ZNF492: variants seen among roughly 807,000 people sequenced by gnomAD.
The protein encoded by ZNF492 is zinc finger protein 115 (Y20).
ZNF492 carries 3 observed loss-of-function variants against 6.4 expected under a neutral mutation model. The ratio of observed to expected loss-of-function variants is 0.47; its 90% CI spans 0.21 to 1.22. ZNF492 has a LOEUF of 1.22. ZNF492 is among the 50% of genes most tolerant of loss of function. The probability of loss-of-function intolerance (pLI) is 0.22; values close to 1 mark genes in which losing one functional copy is unlikely to be tolerated. For missense variants in ZNF492, 356 were observed against 612.5 expected, an observed-to-expected ratio of 0.58 and a Z score of 4.42; for synonymous variants, 112 against 205.3, an observed-to-expected ratio of 0.55 and a Z score of 3.89.
intron 1 of ZNF492, among the ~76,000 whole-genome samples, chr19:22,650,704 T>A (rs552317800): frequency 6.6e-6 from 1 of 152,232 alleles, no homozygotes; most frequent in Admixed American, 6.5e-5. Flanking sequence ...AGCTGCAGTC[T>A]GGCACAGCCA....
chr19:22,657,143 A>G (rs985349580), intron 3 of ZNF492, among the ~76,000 whole-genome samples: 27 of 152,190 alleles, frequency 1.8e-4, no homozygotes, highest in South Asian at 4.1e-4. Flanking sequence ...ACTAAAATTT[A>G]CATGTTATGT....
intron 1 of ZNF492, among the ~76,000 whole-genome samples, chr19:22,638,952 C>T (rs1301670296): frequency 6.6e-6 from 1 of 151,992 alleles, no homozygotes; most frequent in African/African-American, 2.4e-5. Flanking sequence ...AAGCAATTCT[C>T]TCCCTCAGCC....
chr19:22,647,727 G>GGTTTTTTTTTTTTTTTTTTT (rs1971896869), intron 1 of ZNF492, among the ~76,000 whole-genome samples: 1 of 92,576 alleles, frequency 1.1e-5, no homozygotes, highest in African/African-American at 4.8e-5. Flanking sequence ...AGCTCTTTTA[G>GGTTTTTTTTTTTTTTTTTTT]TTTTTTTTTT....
intron 1 of ZNF492, among the ~76,000 whole-genome samples, chr19:22,637,423 G>T (rs1971780376): frequency 6.6e-6 from 1 of 152,038 alleles, no homozygotes; most frequent in Non-Finnish European, 1.5e-5. Context: ...CCCCCAAGTA[G>T]CTGGGACTAC....
chr19:22,635,499 T>C (rs1971751829), intron 1 of ZNF492, among the ~76,000 whole-genome samples: 2 of 152,240 alleles, frequency 1.3e-5, no homozygotes, highest in South Asian at 4.1e-4. Context: ...TTTAAAAAGA[T>C]ATGTTTTCTG....
chr19:22,664,046 C>A lies in ZNF492; in HGVS notation c.377C>A (p.Ser126Ter), dbSNP rs761638076. The A allele has an allele frequency of 4.4e-6, 7 of 1,603,680 alleles. No individual in the cohort carries two copies. Among genetic ancestry groups the A allele is most frequent in the Non-Finnish European group, 5.1e-6 (6 of 1,174,934 alleles). ...TATGTGAAAGTCTTTCATAAATTTT[C>A]AAATTCAAACAGACATACGATAAGA... ...DKYVKVFHKF[S>*]NSNRHTIRHT... The change falls in exon 4 of 4, where the codon TCA becomes TAA. Residue 126 changes from serine to a stop codon, truncating the protein, a stop_gained. Transcript: ENST00000456783. LOFTEE classifies it low-confidence loss of function (END_TRUNC).
chr19:22,652,008 CT>C (rs769181113), intron 1 of ZNF492, among the ~76,000 whole-genome samples: 7 of 152,056 alleles, frequency 4.6e-5, no homozygotes, highest in Non-Finnish European at 8.8e-5. Flanking sequence ...TTACTTTTGG[CT>C]GGGCAATATC....
At chr19:22,636,072 C>T (rs1288378395) in intron 1 of ZNF492, among the ~76,000 whole-genome samples, 3 of 151,710 alleles carry the variant, frequency 2.0e-5, no homozygotes, top group Admixed American at 1.3e-4. Flanking sequence ...TTTGTGTTTA[C>T]GTGTTCTTAT....
chr19:22,655,675 A>ATTTTTTTTTTTTTTTTTTTTTT (rs201831166), intron 3 of ZNF492, among the ~76,000 whole-genome samples: 6 of 109,418 alleles, frequency 5.5e-5, no homozygotes, highest in African/African-American at 2.4e-4. Context: ...CAGTGACTTA[A>ATTTTTTTTTTTTTTTTTTTTTT]TTTTTTTTTT....
At chr19:22,650,137 A>G (rs1461097056) in intron 1 of ZNF492, among the ~76,000 whole-genome samples, 1 of 151,792 alleles carries the variant, frequency 6.6e-6, no homozygotes, top group Non-Finnish European at 1.5e-5. Flanking sequence ...GCTGTTGTTC[A>G]TTTCTGTTTG....
chr19:22,634,698 G>T, intron 1 of ZNF492, among the ~76,000 whole-genome samples: 1 of 152,136 alleles, frequency 6.6e-6, no homozygotes, highest in East Asian at 1.9e-4. Context: ...CAGTGACGGT[G>T]CCCTGGCCTG....
rs1039288589 is a variant in ZNF492 at position 22,665,374 on chromosome 19, A to G, written c.*109A>G. On this transcript the variant is annotated 3_prime_UTR_variant, in exon 4 of 4. Coordinates refer to ENST00000456783, the MANE Select transcript of ZNF492 (RefSeq NM_020855.3). ...CAAGTGTGAATGAACAGTGTGGCAA[A>G]ACTTACACAATGCTCAAACCTTATT... 50 of 1,481,370 alleles carry G rather than the reference A, an allele frequency of 3.4e-5. No homozygotes were observed. The highest frequency in any genetic ancestry group is 5.1e-5 in the Admixed American group (2 of 38,960). The allele number at this position is 1,481,370 out of a possible 1,614,324, so 91.8% of individuals were successfully genotyped here.
At chr19:22,657,979 A>G (rs1240766067) in intron 3 of ZNF492, among the ~76,000 whole-genome samples, 2 of 152,270 alleles carry the variant, frequency 1.3e-5, no homozygotes, top group East Asian at 3.9e-4. Context: ...TTAATAATAA[A>G]CATATTTCCT....
intron 1 of ZNF492, among the ~76,000 whole-genome samples, chr19:22,649,982 C>T (rs956003822): frequency 6.6e-6 from 1 of 152,170 alleles, no homozygotes; most frequent in African/African-American, 2.4e-5. Flanking sequence ...AGTTCTGCAC[C>T]CTTGCTGGAG....
chr19:22,639,600 C>T (rs1971804629), intron 1 of ZNF492, among the ~76,000 whole-genome samples: 1 of 151,504 alleles, frequency 6.6e-6, no homozygotes, highest in South Asian at 2.1e-4. Context: ...ATCCCAGCTA[C>T]TCAGGAAGGC....
intron 3 of ZNF492, among the ~76,000 whole-genome samples, chr19:22,654,695 G>C (rs1186169266): frequency 6.7e-6 from 1 of 149,774 alleles, no homozygotes; most frequent in Admixed American, 6.7e-5. Flanking sequence ...TCTGCCTCCT[G>C]GGTTCAAGCG....
At chr19:22,638,881 C>T (rs1307183060) in intron 1 of ZNF492, among the ~76,000 whole-genome samples, 1 of 151,984 alleles carries the variant, frequency 6.6e-6, no homozygotes, top group Non-Finnish European at 1.5e-5. Flanking sequence ...CTTGCTCTGT[C>T]GCCCAAGCTG....
At chr19:22,638,285 C>T (rs1409393921) in intron 1 of ZNF492, among the ~76,000 whole-genome samples, 5 of 151,862 alleles carry the variant, frequency 3.3e-5, no homozygotes, top group Admixed American at 2.6e-4. Flanking sequence ...AAATTTTTGC[C>T]GGCTTCTATT....
At chr19:22,635,158 A>AT (rs535615316) in intron 1 of ZNF492, among the ~76,000 whole-genome samples, 76 of 151,580 alleles carry the variant, frequency 5.0e-4, no homozygotes, top group African/African-American at 1.8e-3. Flanking sequence ...CAATGTAGTA[A>AT]TTTCTAAAAA....
Sources: gnomAD v4.1 joint callset for allele counts (sites outside exome capture counted in the v4.1 genomes callset) on GRCh38, gnomAD v4.1.1 for gene constraint, MANE v1.5 for transcripts, NCBI Gene and HGNC (gene_info 2026-07-23, HGNC 2026-07-21) for gene names.